Variants in VWA8 observed in about 807,000 individuals in gnomAD.
VWA8 encodes the protein von Willebrand factor A domain containing 8.
VWA8 carries 221 observed loss-of-function variants against 241.5 expected under a neutral mutation model. The observed-to-expected ratio is 0.91, with a 90% CI of 0.82 to 1.02. The LOEUF is 1.02. Ranked by LOEUF, VWA8 falls within the 50% of genes least tolerant of loss-of-function variation. VWA8 has a pLI of 0.00. For synonymous variants in VWA8, 852 were observed against 827.1 expected, an observed-to-expected ratio of 1.03 and a Z score of -0.52; for missense variants, 2,322 against 2,328.7, an observed-to-expected ratio of 1.00 and a Z score of 0.06.
At chr13:41,630,809 ATACATATAGCCTTG>A (rs1202777716) in intron 37 of VWA8, among the ~76,000 whole-genome samples, 4 of 152,216 alleles carry the variant, frequency 2.6e-5, no homozygotes, top group Non-Finnish European at 4.4e-5. Context: ...ACAGTGGCAT[ATACATATAGCCTTG>A]TACATAAGAG....
intron 2 of VWA8, among the ~76,000 whole-genome samples, chr13:41,913,537 A>C (rs1259471790): frequency 6.6e-6 from 1 of 152,210 alleles, no homozygotes; most frequent in African/African-American, 2.4e-5. Context: ...CCTAGGACTA[A>C]ATATCTAGTG....
chr13:41,822,967 T>C (rs2137989354), intron 14 of VWA8, among the ~76,000 whole-genome samples: 1 of 151,690 alleles, frequency 6.6e-6, no homozygotes, highest in Admixed American at 6.6e-5. Context: ...GGGGCAGGAG[T>C]CGGGGATGAC....
rs2045737984 is a variant in VWA8, at chr13:41,761,270, C to A, written c.2350-66G>T. ...TTCTGGAGATAAGCTTATGCCAAAT[C>A]AGAAGAATCTTTTACCAAAACCTGC... On this transcript the variant is annotated intron_variant, in intron 20 of 44. Transcript: ENST00000379310. The A allele has an allele frequency of 3.4e-6, 5 of 1,487,822 alleles. No individual in the cohort carries two copies. In the South Asian group the frequency reaches 4.7e-5, roughly 14 times the overall value. The allele number at this position is 1,487,822 out of a possible 1,614,324, so 92.2% of individuals were successfully genotyped here.
intron 12 of VWA8, among the ~76,000 whole-genome samples, chr13:41,850,887 A>G (rs1452430756): frequency 1.3e-5 from 2 of 152,232 alleles, no homozygotes; most frequent in Non-Finnish European, 2.9e-5. Flanking sequence ...CTGACAAAGT[A>G]TTCAAAATGA....
chr13:41,790,298 G>A (rs1016853540), intron 17 of VWA8, among the ~76,000 whole-genome samples: 4 of 152,060 alleles, frequency 2.6e-5, no homozygotes, highest in Non-Finnish European at 5.9e-5. Flanking sequence ...TTAACACTGT[G>A]TATGATTAGT....
intron 7 of VWA8, among the ~76,000 whole-genome samples, 166 bp downstream of exon 7, chr13:41,886,615 T>G (rs1026454481): frequency 3.3e-5 from 5 of 152,236 alleles, no homozygotes; most frequent in Non-Finnish European, 7.3e-5. Context: ...ATCTTGAGTT[T>G]CCTGCCAAAG....
At chr13:41,685,974 G>A (rs985567347) in intron 34 of VWA8, among the ~76,000 whole-genome samples, 1 of 152,096 alleles carries the variant, frequency 6.6e-6, no homozygotes, top group Non-Finnish European at 1.5e-5. Flanking sequence ...ATCTTTCATA[G>A]TGAAGTCCTT....
At position 41,719,697 on chromosome 13, in the gene VWA8, C is replaced by T; in HGVS notation, c.3010G>A (p.Asp1004Asn). Residue 1004 changes from aspartate to asparagine, a missense_variant, in exon 26 of 45, where the codon GAC (aspartate) becomes AAC (asparagine). By Grantham distance (23) the Asp-to-Asn change is conservative. Transcript: ENST00000379310. ...GLSSVVRNVF[D>N]FDSYNNDMRE... The stretch of plus-strand genomic sequence containing the variant: ...ATGTCATTGTTGTAGGAATCAAAGT[C>T]AAACACATTTCGAACTACACTGGAG... The T allele has an allele frequency of 3.1e-6, 5 of 1,612,964 alleles. No homozygotes were observed. Among genetic ancestry groups the T allele is most frequent in the Non-Finnish European group, 2.5e-6 (3 of 1,179,410 alleles).
chr13:41,799,607 C>T (rs1869856592), intron 17 of VWA8, among the ~76,000 whole-genome samples: 1 of 152,172 alleles, frequency 6.6e-6, no homozygotes, highest in African/African-American at 2.4e-5. Context: ...CTCACATATG[C>T]CTGCAGCCAC....
intron 2 of VWA8, among the ~76,000 whole-genome samples, chr13:41,922,288 A>T (rs1566040301): frequency 1.3e-5 from 2 of 152,236 alleles, no homozygotes; most frequent in African/African-American, 2.4e-5. Context: ...TTAATTCAAG[A>T]TGGATTAAAG....
intron 44 of VWA8, among the ~76,000 whole-genome samples, chr13:41,569,790 A>G (rs577406991): frequency 6.6e-6 from 1 of 152,216 alleles, no homozygotes; most frequent in South Asian, 2.1e-4. Flanking sequence ...GTGTTTCCAG[A>G]TCTCTCCTTT....
At chr13:41,846,384 A>G (rs1017681847) in intron 12 of VWA8, among the ~76,000 whole-genome samples, 10 of 152,212 alleles carry the variant, frequency 6.6e-5, no homozygotes, top group Admixed American at 2.0e-4. Context: ...AAGGATGGCT[A>G]CAAAGTGAGG....
At position 41,658,320 on chromosome 13, in the gene VWA8, T is replaced by C. The variant is rs189784458; in HGVS notation, c.4611+12626A>G. 8.5e-5 allele frequency among the ~76,000 whole-genome samples: 13 copies of C among 152,392 alleles called. No homozygotes were observed. In the East Asian group the frequency reaches 1.9e-3, roughly 23 times the overall value. On this transcript the variant is annotated intron_variant, in intron 37 of 44. Transcript: ENST00000379310. ...AAAAAAGGAAACATTTGACTATGCA[T>C]GTTTCTAAAAACATAGTTTATTTGT... is the stretch of plus-strand genomic sequence containing the variant.
intron 12 of VWA8, among the ~76,000 whole-genome samples, chr13:41,864,141 TAAAAAAA>T (rs1173896404): frequency 8.7e-6 from 1 of 114,308 alleles, no homozygotes; most frequent in Non-Finnish European, 1.8e-5. Flanking sequence ...ATGATGATTA[TAAAAAAA>T]AAAAAAAAAA....
chr13:41,729,118 A>G (rs2045460295), intron 23 of VWA8, among the ~76,000 whole-genome samples: 1 of 152,004 alleles, frequency 6.6e-6, no homozygotes, highest in African/African-American at 2.4e-5. Flanking sequence ...CTAAGGTAGG[A>G]GTGTGTGTGT....
At chr13:41,730,725 T>G (rs1298819542) in intron 22 of VWA8, among the ~76,000 whole-genome samples, 1 of 152,054 alleles carries the variant, frequency 6.6e-6, no homozygotes, top group Non-Finnish European at 1.5e-5. Context: ...AGTGAAAATC[T>G]CAAGATTTTT....
At chr13:41,611,189 C>T (rs1001884532) in intron 39 of VWA8, among the ~76,000 whole-genome samples, 7 of 152,072 alleles carry the variant, frequency 4.6e-5, no homozygotes, top group Admixed American at 1.3e-4. Flanking sequence ...GGACAGCCTC[C>T]GCACCCTATG....
chr13:41,896,392 TA>T (rs1371063597), intron 4 of VWA8, among the ~76,000 whole-genome samples: 1 of 152,034 alleles, frequency 6.6e-6, no homozygotes, highest in Non-Finnish European at 1.5e-5. Context: ...TGGATAATCA[TA>T]TGTGACTTTT....
At chr13:41,686,506 A>AT (rs200127886) in intron 34 of VWA8, among the ~76,000 whole-genome samples, 6,293 of 146,674 alleles carry the variant, frequency 0.043, 194 homozygotes, top group Non-Finnish European at 0.067. Context: ...TCTTTTGCTC[A>AT]TTTTTTTTTT....
Sources: allele counts gnomAD v4.1 joint callset (sites outside exome capture counted in the v4.1 genomes callset), GRCh38; gene constraint gnomAD v4.1.1; transcripts MANE v1.5; gene names NCBI Gene and HGNC (gene_info 2026-07-23, HGNC 2026-07-21).